Variants in COL4A6 observed in about 807,000 individuals in gnomAD.
COL4A6 encodes the protein collagen type IV alpha 6 chain, also known as collagen alpha-6(IV) chain.
COL4A6 carries 59 observed loss-of-function variants against 126.7 expected under a neutral mutation model. That is an observed-to-expected ratio of 0.47 (90% CI 0.38 to 0.58). The LOEUF is 0.58. COL4A6 is among the 20% of genes least tolerant of loss of function. COL4A6 has a pLI of 0.00. For synonymous variants in COL4A6, 547 were observed against 496.6 expected (o/e 1.10, Z -1.35); for missense variants, 1,285 against 1,337.3 (o/e 0.96, Z 0.61).
chrX:108,165,124 A>T, intron 38 of COL4A6, 86 bp from the exon 39 acceptor site: 1 of 960,868 alleles, frequency 1.0e-6, no homozygotes, highest in Non-Finnish European at 1.4e-6. Flanking sequence ...AGGACTCCAA[A>T]GCCCATTCCC....
intron 2 of COL4A6, among the ~76,000 whole-genome samples, chrX:108,412,486 G>A (rs1250243709): frequency 8.9e-6 from 1 of 112,005 alleles, no homozygotes; most frequent in African/African-American, 3.2e-5. Flanking sequence ...AAAGAAGGAA[G>A]AAGCATAGGT....
intron 3 of COL4A6, among the ~76,000 whole-genome samples, chrX:108,292,792 A>G (rs776203462): frequency 9.2e-6 from 1 of 108,518 alleles, no homozygotes; most frequent in South Asian, 4.1e-4. Flanking sequence ...CTCTTGGCTT[A>G]CTGCTGCCAC....
intron 3 of COL4A6, among the ~76,000 whole-genome samples, chrX:108,293,861 A>G (rs1462224005): frequency 1.8e-5 from 2 of 112,438 alleles, no homozygotes; most frequent in African/African-American, 3.2e-5. Context: ...TGCAGGAGCT[A>G]TTTAACTTAA....
In COL4A6 at chrX:108,187,268, T is replaced by C; in HGVS notation, c.1779A>G (p.Gly593=). The C allele has an allele frequency of 8.6e-7, 1 of 1,161,799 alleles. No homozygotes were observed. The highest frequency in any genetic ancestry group is 1.2e-6 in the Non-Finnish European group (1 of 865,936). Residue 593 remains glycine, a synonymous_variant, in exon 23 of 45, where the codon GGA becomes GGG. Coordinates refer to ENST00000334504, the MANE Select transcript of COL4A6 (RefSeq NM_033641.4). ...ACCCCTTTTCACCTGGGAAGCCCTG[T>C]CCACCATCACCCTAGACAACATATA... The part of the protein sequence containing the change: ...PGLPGLPGDG[G]QGFPGEKGLP...
At chrX:108,420,628 T>C (rs1319574621) in intron 2 of COL4A6, among the ~76,000 whole-genome samples, 3 of 111,844 alleles carry the variant, frequency 2.7e-5, no homozygotes, top group East Asian at 5.6e-4. Context: ...ATTATGAATA[T>C]GAACAAAAGT....
At chrX:108,323,783 G>A (rs954581023) in intron 2 of COL4A6, among the ~76,000 whole-genome samples, 3 of 111,854 alleles carry the variant, frequency 2.7e-5, no homozygotes, top group Non-Finnish European at 5.6e-5. Context: ...TTTCACTGTT[G>A]TATTCGTTGC....
At chrX:108,408,092 C>T (rs58447735) in intron 2 of COL4A6, among the ~76,000 whole-genome samples, 7,204 of 110,859 alleles carry the variant, frequency 0.065, 548 homozygotes, top group African/African-American at 0.21. Flanking sequence ...GGGAGGATTG[C>T]TTGAGTCCAG....
chrX:108,432,473 G>A (rs778213415), intron 2 of COL4A6, among the ~76,000 whole-genome samples: 5 of 112,019 alleles, frequency 4.5e-5, no homozygotes, highest in African/African-American at 6.5e-5. Flanking sequence ...TCAACATTTA[G>A]AATTATGGGA....
At chrX:108,351,436 CTCTCTCTGTGTGTGTGTG>C (rs1386071456) in intron 2 of COL4A6, among the ~76,000 whole-genome samples, 131 of 82,266 alleles carry the variant, frequency 1.6e-3, no homozygotes, top group African/African-American at 5.9e-3. Flanking sequence ...AGGTAACTCT[CTCTCTCTGTGTGTGTGTG>C]TGTGTGTGTG....
intron 17 of COL4A6, among the ~76,000 whole-genome samples, chrX:108,193,168 T>C (rs773964377): frequency 8.9e-6 from 1 of 112,145 alleles, no homozygotes; most frequent in South Asian, 3.7e-4. Flanking sequence ...ACAGACTTTC[T>C]AAGCATCACA....
chrX:108,396,279 G>C (rs2040961735), intron 2 of COL4A6, among the ~76,000 whole-genome samples: 1 of 110,700 alleles, frequency 9.0e-6, no homozygotes, highest in Non-Finnish European at 1.9e-5. Flanking sequence ...GTGGAATTCA[G>C]GTCAGAAACT....
intron 17 of COL4A6, 44 bp from the exon 18 acceptor site, chrX:108,192,624 G>T: frequency 1.1e-6 from 1 of 911,615 alleles, no homozygotes; most frequent in Non-Finnish European, 1.6e-6. Flanking sequence ...GACAGAGGAG[G>T]CCCACAGATG....
chrX:108,264,926 A>C (rs2037260289), intron 3 of COL4A6, among the ~76,000 whole-genome samples: 1 of 111,879 alleles, frequency 8.9e-6, no homozygotes, highest in African/African-American at 3.2e-5. Flanking sequence ...GAATATGTTG[A>C]ATCACTCCAT....
chrX:108,438,893 T>C (rs186692087), upstream of COL4A6, among the ~76,000 whole-genome samples: 7 of 112,681 alleles, frequency 6.2e-5, no homozygotes, highest in Non-Finnish European at 9.4e-5. Context: ...TCTAGGAAGA[T>C]AGAAATGTTG....
chrX:108,190,299 G>A, intron 20 of COL4A6, 93 bp downstream of exon 20: 1 of 576,583 alleles, frequency 1.7e-6, no homozygotes, highest in Non-Finnish European at 2.9e-6. Context: ...AGTTGCTTCT[G>A]TTTAGGTTCC....
chrX:108,435,756 A>C (rs1387938114), intron 2 of COL4A6, among the ~76,000 whole-genome samples: 1 of 112,081 alleles, frequency 8.9e-6, no homozygotes, highest in Non-Finnish European at 1.9e-5. Context: ...CCCCTAAATG[A>C]CCCAATCTTT....
intron 2 of COL4A6, among the ~76,000 whole-genome samples, chrX:108,417,912 T>C (rs1439466978): frequency 1.8e-5 from 2 of 112,224 alleles, no homozygotes; most frequent in East Asian, 5.6e-4. Context: ...AGTTAAATCA[T>C]ATTATGGAAA....
intron 2 of COL4A6, among the ~76,000 whole-genome samples, chrX:108,406,328 T>C (rs966113305): frequency 8.9e-6 from 1 of 111,914 alleles, no homozygotes; most frequent in African/African-American, 3.2e-5. Context: ...CCTGACCTTA[T>C]CTTAACCCTT....
At chrX:108,333,118 GT>G (rs1359089004) in intron 2 of COL4A6, among the ~76,000 whole-genome samples, 1 of 110,664 alleles carries the variant, frequency 9.0e-6, no homozygotes, top group Non-Finnish European at 1.9e-5. Flanking sequence ...TGTCAATTTT[GT>G]CAAAGATCAG....
Sources: allele counts gnomAD v4.1 joint callset (sites outside exome capture counted in the v4.1 genomes callset), GRCh38; gene constraint gnomAD v4.1.1; transcripts MANE v1.5; gene names NCBI Gene and HGNC (gene_info 2026-07-23, HGNC 2026-07-21).